The following ANO2 variants were observed in gnomAD, a reference collection of about 807,000 sequenced individuals.
The protein encoded by ANO2 is anoctamin-2.
A neutral mutation model predicts 124.2 loss-of-function variants in ANO2; 101 were observed. That is an observed-to-expected ratio of 0.81 (90% CI 0.69 to 0.96). The LOEUF is 0.96. Ranked by LOEUF, ANO2 falls within the 40% of genes least tolerant of loss-of-function variation. ANO2 has a pLI of 0.00. For missense variants in ANO2, 1,293 were observed against 1,274.5 expected, an observed-to-expected ratio of 1.01 and a Z score of -0.22; for synonymous variants, 486 against 482.5, an observed-to-expected ratio of 1.01 and a Z score of -0.09.
chr12:5,786,665 C>T (rs1186473990), intron 10 of ANO2, among the ~76,000 whole-genome samples: 4 of 152,170 alleles, frequency 2.6e-5, no homozygotes, highest in South Asian at 2.1e-4. Context: ...GCTGCACATC[C>T]GATCATATTC....
chr12:5,668,182 G>A (rs535287908), intron 14 of ANO2, among the ~76,000 whole-genome samples: 6 of 152,254 alleles, frequency 3.9e-5, no homozygotes, highest in South Asian at 2.1e-4. Flanking sequence ...AGTGTAAAGC[G>A]TTCCTGTTTC....
At chr12:5,789,539 C>T (rs1004050462) in intron 10 of ANO2, among the ~76,000 whole-genome samples, 6 of 152,220 alleles carry the variant, frequency 3.9e-5, no homozygotes, top group Admixed American at 3.3e-4. Context: ...CTGAGCTCCC[C>T]AGTCTCTTCA....
intron 20 of ANO2, among the ~76,000 whole-genome samples, chr12:5,583,575 C>G (rs1942889022): frequency 7.3e-6 from 1 of 137,086 alleles, no homozygotes; most frequent in South Asian, 2.3e-4. Context: ...ATGGCGTGAA[C>G]CTGGGAGGCG....
intron 4 of ANO2, among the ~76,000 whole-genome samples, chr12:5,835,151 C>T (rs1167086831): frequency 6.6e-6 from 1 of 152,142 alleles, no homozygotes; most frequent in Non-Finnish European, 1.5e-5. Flanking sequence ...TAAACAGATA[C>T]AGGAAAAGAT....
intron 14 of ANO2, among the ~76,000 whole-genome samples, chr12:5,695,158 T>A (rs1395804178): frequency 2.6e-5 from 4 of 152,126 alleles, no homozygotes; most frequent in Admixed American, 2.0e-4. Context: ...ATGGTCCTCA[T>A]TAAATTTTTG....
At chr12:5,760,364 AC>A (rs570936707) in intron 10 of ANO2, among the ~76,000 whole-genome samples, 101 of 152,344 alleles carry the variant, frequency 6.6e-4, no homozygotes, top group Admixed American at 1.6e-3. Flanking sequence ...GTGAGATAAA[AC>A]ACAAGAGGGA....
chr12:5,637,627 G>C (rs1029313734), intron 15 of ANO2, among the ~76,000 whole-genome samples: 1 of 152,134 alleles, frequency 6.6e-6, no homozygotes, highest in Non-Finnish European at 1.5e-5. Context: ...CAGACCTACT[G>C]ACCTGGAACC....
At chr12:5,916,266 G>A (rs1941368553) in intron 3 of ANO2, among the ~76,000 whole-genome samples, 1 of 151,960 alleles carries the variant, frequency 6.6e-6, no homozygotes, top group Non-Finnish European at 1.5e-5. Context: ...GACAGAGTGA[G>A]GCCTGGTCTC....
At chr12:5,722,017 A>G (rs1340557457) in intron 14 of ANO2, among the ~76,000 whole-genome samples, 1 of 152,226 alleles carries the variant, frequency 6.6e-6, no homozygotes, top group Non-Finnish European at 1.5e-5. Context: ...AATAAACAAT[A>G]ATAATTTATT....
chr12:5,639,505 C>A (rs1946222038), intron 15 of ANO2, among the ~76,000 whole-genome samples: 3 of 152,132 alleles, frequency 2.0e-5, no homozygotes, highest in Admixed American at 2.0e-4. Flanking sequence ...ACGAGAAATA[C>A]CGTGGAGACA....
intron 3 of ANO2, among the ~76,000 whole-genome samples, chr12:5,874,610 C>T (rs983486676): frequency 6.6e-6 from 1 of 152,192 alleles, no homozygotes; most frequent in African/African-American, 2.4e-5. Context: ...TCAGCTCTCT[C>T]CAAGCACCCC....
At chr12:5,608,095 T>C (rs552153527) in intron 19 of ANO2, among the ~76,000 whole-genome samples, 1 of 152,176 alleles carries the variant, frequency 6.6e-6, no homozygotes, top group South Asian at 2.1e-4. Flanking sequence ...TGTTGAAAAC[T>C]ACTGGGTCTA....
rs762147319 is a variant in ANO2 at position 5,612,708 on chromosome 12, T to A, written c.2035A>T (p.Ile679Phe). 1.9e-6 allele frequency: 3 copies of A among 1,613,730 alleles called. No individual in the cohort carries two copies. In the South Asian group the frequency reaches 3.3e-5, roughly 18 times the overall value. Residue 679 changes from isoleucine (I) to phenylalanine (F), a missense_variant, in exon 19 of 25, where the codon ATC becomes TTC. Coordinates refer to ENST00000682330, the MANE Select transcript of ANO2 (RefSeq NM_001364791.2). ...TGGATCAACTGCTTCCCCAACATGA[T>A]GATGCTGAGCTGAATGCAGAGCTCC... is the stretch of plus-strand genomic sequence containing the variant. ...LMELCIQLSI[I>F]MLGKQLIQNN...
intron 14 of ANO2, among the ~76,000 whole-genome samples, chr12:5,695,702 C>G (rs574882388): frequency 6.6e-5 from 10 of 152,106 alleles, no homozygotes; most frequent in Non-Finnish European, 1.0e-4. Flanking sequence ...TTAGTTGGGC[C>G]TGGTGGCGCG....
At chr12:5,611,621 A>C (rs1365168245) in intron 19 of ANO2, among the ~76,000 whole-genome samples, 1 of 152,222 alleles carries the variant, frequency 6.6e-6, no homozygotes, top group Non-Finnish European at 1.5e-5. Flanking sequence ...TGTTGCTTAA[A>C]GTAGCCACCC....
intron 2 of ANO2, among the ~76,000 whole-genome samples, chr12:5,921,670 G>A (rs1048693020): frequency 2.6e-5 from 4 of 151,994 alleles, no homozygotes; most frequent in East Asian, 1.9e-4. Context: ...CCTCACAACC[G>A]CACTCCTGCC....
rs1171060243 is a variant in ANO2 at position 5,653,348 on chromosome 12, C to T, written c.1546-5547G>A. Among the ~76,000 whole-genome samples, 4 of 152,124 alleles carry T rather than the reference C, an allele frequency of 2.6e-5. No individual in the cohort carries two copies. In the East Asian group the frequency reaches 7.7e-4, roughly 29 times the overall value. On this transcript the variant is annotated intron_variant, in intron 14 of 24. Coordinates refer to ENST00000682330, the MANE Select transcript of ANO2 (RefSeq NM_001364791.2). ...TATGTTCTGGCAAATATTTTGGGGG[C>T]AGTGGCAAAGAGAAGAGAAATACAA...
chr12:5,764,186 C>T (rs905605571), intron 10 of ANO2, among the ~76,000 whole-genome samples: 1 of 152,184 alleles, frequency 6.6e-6, no homozygotes, highest in Non-Finnish European at 1.5e-5. Flanking sequence ...AACATCTTTT[C>T]GAGATGAGAC....
chr12:5,720,794 C>T (rs546721990), intron 14 of ANO2, among the ~76,000 whole-genome samples: 1 of 152,186 alleles, frequency 6.6e-6, no homozygotes, highest in African/African-American at 2.4e-5. Flanking sequence ...GCTTCCATAA[C>T]CCAGGCCTCA....
Sources: gnomAD v4.1 joint callset for allele counts (sites outside exome capture counted in the v4.1 genomes callset) on GRCh38, gnomAD v4.1.1 for gene constraint, MANE v1.5 for transcripts, NCBI Gene and HGNC (gene_info 2026-07-23, HGNC 2026-07-21) for gene names.